Variants in PARD3B observed in about 807,000 individuals in gnomAD.
The protein encoded by PARD3B is par-3 family cell polarity regulator beta.
PARD3B carries 103 observed loss-of-function variants against 130.2 expected under a neutral mutation model. The ratio of observed to expected loss-of-function variants is 0.79; its 90% confidence interval spans 0.67 to 0.93. The LOEUF (loss-of-function observed/expected upper bound fraction) is 0.93, where lower values mean the gene tolerates loss of function less well. Among genes scored for constraint, PARD3B ranks in the 40% least tolerant of loss-of-function variants. The pLI is 0.00. For synonymous variants in PARD3B, 583 were observed against 553.2 expected (o/e 1.05, Z -0.76); for missense variants, 1,609 against 1,499.2 (o/e 1.07, Z -1.21).
chr2:205,608,870 C>T lies in PARD3B; in HGVS notation c.3261-6586C>T, dbSNP rs1179211239. 2.6e-5 allele frequency among the ~76,000 whole-genome samples: 4 copies of T among 152,324 alleles called. No individual in the cohort carries two copies. The East Asian group carries it at 7.7e-4, about 29-fold the overall frequency. On this transcript the variant is annotated intron_variant, in intron 22 of 22. Coordinates refer to ENST00000406610, the MANE Select transcript of PARD3B (RefSeq NM_001302769.2). Reference sequence around the variant, plus strand: ...ACTGTTTGAGAAATGTCTTTGAGCACTCAGTCACTATCCTTTCTCCTTCAT... The same window carrying T: ...ACTGTTTGAGAAATGTCTTTGAGCATTCAGTCACTATCCTTTCTCCTTCAT...
intron 2 of PARD3B, among the ~76,000 whole-genome samples, chr2:204,710,922 T>C (rs1192350959): frequency 1.3e-5 from 2 of 152,232 alleles, no homozygotes; most frequent in Non-Finnish European, 2.9e-5. Flanking sequence ...GCCCAGAGGA[T>C]GTTGAAACCA....
chr2:205,216,741 C>T (rs2037930256), intron 15 of PARD3B, among the ~76,000 whole-genome samples: 1 of 152,142 alleles, frequency 6.6e-6, no homozygotes, highest in Non-Finnish European at 1.5e-5. Flanking sequence ...CAACACAGAA[C>T]AGTACTCTTT....
chr2:205,368,755 A>G (rs2044701183), intron 18 of PARD3B, among the ~76,000 whole-genome samples: 1 of 152,052 alleles, frequency 6.6e-6, no homozygotes, highest in African/African-American at 2.4e-5. Context: ...TTTCTAAAGT[A>G]TTTGTGGAAC....
At chr2:204,806,302 A>T (rs1356772066) in intron 2 of PARD3B, among the ~76,000 whole-genome samples, 1 of 152,204 alleles carries the variant, frequency 6.6e-6, no homozygotes, top group Non-Finnish European at 1.5e-5. Context: ...ACATAGACCA[A>T]TGGAACAGAA....
At chr2:205,503,051 C>T (rs1344412613) in intron 21 of PARD3B, among the ~76,000 whole-genome samples, 3 of 150,806 alleles carry the variant, frequency 2.0e-5, no homozygotes, top group Admixed American at 6.6e-5. Context: ...TTCCCTCTTC[C>T]CTCTTCCCCT....
chr2:204,771,692 C>G (rs983718985), intron 2 of PARD3B, among the ~76,000 whole-genome samples: 1 of 152,040 alleles, frequency 6.6e-6, no homozygotes, highest in Non-Finnish European at 1.5e-5. Context: ...TAAAAAGTTG[C>G]TGTTTTTTAT....
chr2:205,390,546 T>C (rs1239980545), intron 18 of PARD3B, among the ~76,000 whole-genome samples: 2 of 152,204 alleles, frequency 1.3e-5, no homozygotes, highest in African/African-American at 4.8e-5. Context: ...ATTTTTTTTG[T>C]TTAATCAGTT....
chr2:204,975,212 TTGA>T (rs1185194213), intron 3 of PARD3B, among the ~76,000 whole-genome samples: 2 of 152,188 alleles, frequency 1.3e-5, no homozygotes, highest in Non-Finnish European at 2.9e-5. Context: ...TGGTCTTCAG[TTGA>T]TGGGGAGGTT....
At chr2:205,339,622 G>A (rs1240685051) in intron 18 of PARD3B, among the ~76,000 whole-genome samples, 2 of 152,200 alleles carry the variant, frequency 1.3e-5, no homozygotes, top group Non-Finnish European at 2.9e-5. Flanking sequence ...AGTCAGTAGT[G>A]CAGCAACATG....
chr2:205,324,773 G>C (rs538479959), intron 18 of PARD3B, among the ~76,000 whole-genome samples: 1 of 151,902 alleles, frequency 6.6e-6, no homozygotes, highest in Non-Finnish European at 1.5e-5. Context: ...CTTTCTCTGG[G>C]AGAGAAAGAG....
intron 6 of PARD3B, among the ~76,000 whole-genome samples, chr2:205,118,691 C>A (rs1271403570): frequency 2.0e-5 from 3 of 152,078 alleles, no homozygotes; most frequent in Admixed American, 1.3e-4. Flanking sequence ...GAAATGAAGT[C>A]GCAGATTGAT....
chr2:205,040,005 C>T (rs529124717), intron 3 of PARD3B, among the ~76,000 whole-genome samples: 2 of 152,088 alleles, frequency 1.3e-5, no homozygotes, highest in African/African-American at 4.8e-5. Flanking sequence ...GCTCTGTTAC[C>T]GAGGCTGGAG....
At chr2:204,694,746 A>C (rs1231779682) in intron 2 of PARD3B, among the ~76,000 whole-genome samples, 1 of 152,014 alleles carries the variant, frequency 6.6e-6, no homozygotes, top group African/African-American at 2.4e-5. Context: ...CATGTCAGAT[A>C]TGTGCCTTCC....
chr2:205,420,283 A>G (rs1279880929), intron 19 of PARD3B, among the ~76,000 whole-genome samples: 13 of 152,172 alleles, frequency 8.5e-5, no homozygotes, highest in African/African-American at 3.1e-4. Context: ...TGTTACTGTT[A>G]TTCCTAACAA....
intron 20 of PARD3B, among the ~76,000 whole-genome samples, chr2:205,472,780 G>C (rs557370172): frequency 1.3e-5 from 2 of 152,162 alleles, no homozygotes; most frequent in Admixed American, 6.6e-5. Context: ...AGAGGGAAAG[G>C]CAAGCTCTAG....
chr2:205,220,386 T>G (rs564232856), intron 15 of PARD3B, among the ~76,000 whole-genome samples: 351 of 152,284 alleles, frequency 2.3e-3, no homozygotes, highest in Non-Finnish European at 4.0e-3. Context: ...TAGGTTCTCA[T>G]GTTTTCTTTG....
intron 3 of PARD3B, among the ~76,000 whole-genome samples, chr2:205,047,039 T>A (rs958757429): frequency 6.6e-6 from 1 of 152,230 alleles, no homozygotes; most frequent in Non-Finnish European, 1.5e-5. Context: ...TTCTATCTAC[T>A]TTAGGAGAAG....
chr2:205,057,095 A>C (rs959350425), intron 4 of PARD3B, among the ~76,000 whole-genome samples: 1 of 151,524 alleles, frequency 6.6e-6, no homozygotes, highest in African/African-American at 2.4e-5. Flanking sequence ...TGTTTATTTA[A>C]AGGTTGTATA....
chr2:204,803,778 G>A (rs1040807568), intron 2 of PARD3B, among the ~76,000 whole-genome samples: 1 of 152,128 alleles, frequency 6.6e-6, no homozygotes, highest in African/African-American at 2.4e-5. Context: ...AACGAAGACA[G>A]GAAGGAAAGA....
Sources: gnomAD v4.1 joint callset for allele counts (sites outside exome capture counted in the v4.1 genomes callset) on GRCh38, gnomAD v4.1.1 for gene constraint, MANE v1.5 for transcripts, NCBI Gene and HGNC (gene_info 2026-07-23, HGNC 2026-07-21) for gene names.